N4BP2: variants seen among roughly 807,000 people sequenced by gnomAD.
N4BP2 encodes the protein NEDD4-binding protein 2.
In N4BP2, 91 loss-of-function variants were observed where a neutral mutation model predicts 152.8. The ratio of observed to expected loss-of-function variants is 0.60; its 90% confidence interval spans 0.50 to 0.71. The LOEUF is 0.71. Ranked by LOEUF, N4BP2 falls within the 30% of genes least tolerant of loss-of-function variation. The pLI, the probability that N4BP2 is intolerant of heterozygous loss-of-function variation, is 0.00. For missense variants in N4BP2, 1,923 were observed against 2,059.1 expected, an observed-to-expected ratio of 0.93 and a Z score of 1.28; for synonymous variants, 646 against 705.3, an observed-to-expected ratio of 0.92 and a Z score of 1.33.
the N4BP2 span, among the ~76,000 whole-genome samples, chr4:40,169,598 A>T: frequency 6.6e-6 from 1 of 151,710 alleles, no homozygotes; most frequent in Non-Finnish European, 1.5e-5. Flanking sequence ...AACCAAACCT[A>T]CAAAAGCCAG....
intron 16 of N4BP2, among the ~76,000 whole-genome samples, chr4:40,148,127 C>T (rs1333460196): frequency 2.6e-5 from 4 of 152,154 alleles, no homozygotes; most frequent in Non-Finnish European, 4.4e-5. Context: ...TGTAGCGAGC[C>T]GAGATCACGC....
At chr4:40,159,905 A>C (rs1721810377), downstream of N4BP2, among the ~76,000 whole-genome samples, 1 of 151,652 alleles carries the variant, frequency 6.6e-6, no homozygotes, top group Non-Finnish European at 1.5e-5. Flanking sequence ...ATGGATTCTC[A>C]CTCTGTCACC....
chr4:40,148,859 A>G (rs1720872291), intron 16 of N4BP2, among the ~76,000 whole-genome samples: 1 of 152,028 alleles, frequency 6.6e-6, no homozygotes. Flanking sequence ...ACATTTTTTT[A>G]TCAATTTATC....
intron 16 of N4BP2, among the ~76,000 whole-genome samples, chr4:40,150,877 A>G (rs558559949): frequency 6.6e-6 from 1 of 152,336 alleles, no homozygotes; most frequent in East Asian, 1.9e-4. Context: ...TTTGGAAACT[A>G]ATGATATTAA....
intron 1 of N4BP2, among the ~76,000 whole-genome samples, chr4:40,065,120 T>C (rs1733943025): frequency 6.6e-6 from 1 of 152,058 alleles, no homozygotes; most frequent in African/African-American, 2.4e-5. Context: ...AGCTGTGAAA[T>C]GGGCTACCTT....
downstream of N4BP2, among the ~76,000 whole-genome samples, chr4:40,160,280 A>G (rs183506290): frequency 2.0e-4 from 31 of 152,338 alleles, no homozygotes; most frequent in Middle Eastern, 6.8e-3. Flanking sequence ...CCTATTTAAT[A>G]TAGGATATAT....
chr4:40,104,303 T>C (rs1246573483), intron 4 of N4BP2, among the ~76,000 whole-genome samples: 1 of 151,770 alleles, frequency 6.6e-6, no homozygotes, highest in Non-Finnish European at 1.5e-5. Context: ...ACCATTAGCC[T>C]TCTAACATTA....
At chr4:40,169,694 G>A in the N4BP2 span, among the ~76,000 whole-genome samples, 4 of 151,386 alleles carry the variant, frequency 2.6e-5, no homozygotes, top group Non-Finnish European at 4.4e-5. Context: ...GCTGGGTGTG[G>A]TGGCTCTCGC....
chr4:40,166,910 C>T, the N4BP2 span: 1 of 152,092 alleles, frequency 6.6e-6, no homozygotes, highest in African/African-American at 2.4e-5. Context: ...AAAATGTACA[C>T]TAAATGATTG....
At chr4:40,077,236 C>A (rs1053610692) in intron 2 of N4BP2, among the ~76,000 whole-genome samples, 2 of 152,026 alleles carry the variant, frequency 1.3e-5, no homozygotes, top group Non-Finnish European at 2.9e-5. Context: ...TCTCAGCTCA[C>A]TGCAACCTCT....
chr4:40,057,354 T>C (rs1029054790), intron 1 of N4BP2, among the ~76,000 whole-genome samples: 1 of 152,082 alleles, frequency 6.6e-6, no homozygotes, highest in Non-Finnish European at 1.5e-5. Context: ...GACACACCCC[T>C]CTCGACCCCC....
At chr4:40,165,541 C>A in the N4BP2 span, among the ~76,000 whole-genome samples, 1 of 152,022 alleles carries the variant, frequency 6.6e-6, no homozygotes, top group African/African-American at 2.4e-5. Flanking sequence ...GAGTCACTGT[C>A]TCTACTTTTA....
intron 8 of N4BP2, 30 bp from the exon 9 acceptor site, chr4:40,119,902 C>G (rs1376382052): frequency 9.1e-7 from 1 of 1,093,274 alleles, no homozygotes; most frequent in Non-Finnish European, 1.3e-6. Context: ...AAGAGACTTT[C>G]TCATGATACT....
chr4:40,132,314 C>G (rs1387815597), intron 13 of N4BP2, among the ~76,000 whole-genome samples: 1 of 151,894 alleles, frequency 6.6e-6, no homozygotes, highest in Non-Finnish European at 1.5e-5. Context: ...AAATCTTTAC[C>G]ATTATTGTTT....
At chr4:40,158,891 A>G (rs1310034551), downstream of N4BP2, among the ~76,000 whole-genome samples, 1 of 152,216 alleles carries the variant, frequency 6.6e-6, no homozygotes, top group Non-Finnish European at 1.5e-5. Flanking sequence ...AAAAACATTT[A>G]TCTAACAAAT....
chr4:40,096,245 A>G (rs1449579693), intron 2 of N4BP2, among the ~76,000 whole-genome samples: 3 of 152,176 alleles, frequency 2.0e-5, no homozygotes, highest in Non-Finnish European at 2.9e-5. Context: ...AATAAGTCCT[A>G]TGGAGAAAAT....
downstream of N4BP2, among the ~76,000 whole-genome samples, chr4:40,162,886 G>A (rs1721894792): frequency 6.6e-6 from 1 of 152,188 alleles, no homozygotes; most frequent in Non-Finnish European, 1.5e-5. Context: ...CAGAGCCAGG[G>A]AAGCTGATGG....
At position 40,137,085 on chromosome 4, in the gene N4BP2, A is replaced by G. The variant is rs1399687599; in HGVS notation, c.4785+3A>G. ...GCCAGAAGTCTAAAGAGAAAAAGGTATGGAGTTACTAATTTTTTTTCTACA... is the reference window on the plus strand; with the variant it reads ...GCCAGAAGTCTAAAGAGAAAAAGGTGTGGAGTTACTAATTTTTTTTCTACA... On this transcript the variant is annotated splice_donor_region_variant and intron_variant, in intron 14 of 17. Transcript: ENST00000261435. 6.3e-6 allele frequency: 10 copies of G among 1,598,668 alleles called. No individual in the cohort carries two copies. Among genetic ancestry groups the G allele is most frequent in the Non-Finnish European group, 8.5e-6 (10 of 1,173,470 alleles).
Position 40,077,448 on chromosome 4 carries a change from A to T in N4BP2, c.-115+3897A>T, listed in dbSNP as rs566185161. On this transcript the variant is annotated intron_variant, in intron 2 of 17. Transcript: ENST00000261435. Reference sequence around the variant, plus strand: ...CAGGCGTGAACCACTGTGTCTGGCCAGAATATCTTTTTTTTTTTTTTTTGA... The same window carrying T: ...CAGGCGTGAACCACTGTGTCTGGCCTGAATATCTTTTTTTTTTTTTTTTGA... 1.0e-3 allele frequency among the ~76,000 whole-genome samples: 126 copies of T among 126,168 alleles called. 2 individuals are homozygous for T. In the South Asian group the frequency reaches 0.033, roughly 33 times the overall value. 82.8% of individuals were successfully genotyped at this position (126,168 alleles called of 152,430 possible). A position where few individuals can be genotyped will look rare whatever the true frequency, so the allele number is the denominator to read the frequency against.
Sources: allele counts gnomAD v4.1 joint callset (sites outside exome capture counted in the v4.1 genomes callset), GRCh38; gene constraint gnomAD v4.1.1; transcripts MANE v1.5; gene names NCBI Gene and HGNC (gene_info 2026-07-23, HGNC 2026-07-21).